RTL4: variants seen among roughly 807,000 people sequenced by gnomAD.
RTL4 encodes retrotransposon Gag like 4, also known as retrotransposon Gag-like protein 4.
In RTL4, 4 loss-of-function variants were observed where a neutral mutation model predicts 5.3. That is an observed-to-expected ratio of 0.75 (90% confidence interval 0.37 to 1.72). The LOEUF (loss-of-function observed/expected upper bound fraction) is 1.72. RTL4 is among the 40% of genes most tolerant of loss of function. The probability of loss-of-function intolerance (pLI) is 0.04; values close to 1 mark genes in which losing one functional copy is unlikely to be tolerated. For synonymous variants in RTL4, 98 were observed against 87.3 expected (o/e 1.12, Z -0.68); for missense variants, 260 against 227.1 (o/e 1.14, Z -0.93).
chrX:112,421,826 CTGT>C, the RTL4 span, among the ~76,000 whole-genome samples: 7 of 112,441 alleles, frequency 6.2e-5, no homozygotes, highest in African/African-American at 2.3e-4. Flanking sequence ...TACATAAGCT[CTGT>C]AATAAGGAAC....
chrX:112,098,133 C>T, the RTL4 span, among the ~76,000 whole-genome samples: 520 of 92,318 alleles, frequency 5.6e-3, 1 homozygote, highest in African/African-American at 0.02. Context: ...CAACAGGCCC[C>T]GGTGTGTGAT....
At chrX:112,263,574 G>A in the RTL4 span, among the ~76,000 whole-genome samples, 627 of 112,062 alleles carry the variant, frequency 5.6e-3, 2 homozygotes, top group African/African-American at 0.019. Context: ...TTGTCTTTCT[G>A]TGTCTGACTT....
the RTL4 span, among the ~76,000 whole-genome samples, chrX:112,192,424 T>C: frequency 2.7e-5 from 3 of 111,457 alleles, no homozygotes; most frequent in Admixed American, 1.9e-4. Flanking sequence ...ATTTGTTTTC[T>C]ATATGTCTTA....
chrX:112,344,244 A>G, the RTL4 span, among the ~76,000 whole-genome samples: 2 of 111,647 alleles, frequency 1.8e-5, no homozygotes, highest in African/African-American at 6.5e-5. Context: ...ACCTCCCCTC[A>G]CCCTAACACC....
At chrX:112,300,599 G>A in the RTL4 span, among the ~76,000 whole-genome samples, 3 of 112,336 alleles carry the variant, frequency 2.7e-5, no homozygotes, top group Admixed American at 1.9e-4. Flanking sequence ...GTTAACAAAG[G>A]TTCTCTACAT....
chrX:112,338,335 C>T, the RTL4 span, among the ~76,000 whole-genome samples: 235 of 111,839 alleles, frequency 2.1e-3, 1 homozygote, highest in Middle Eastern at 9.3e-3. Flanking sequence ...GAATCTCCTG[C>T]TCCCAAAATT....
At chrX:112,321,034 T>C in the RTL4 span, among the ~76,000 whole-genome samples, 303 of 111,137 alleles carry the variant, frequency 2.7e-3, 3 homozygotes, top group African/African-American at 9.3e-3. Context: ...TCATCTTGGG[T>C]TTGTAAGGCC....
the RTL4 span, among the ~76,000 whole-genome samples, chrX:112,139,195 G>T: frequency 9.0e-6 from 1 of 111,223 alleles, no homozygotes; most frequent in African/African-American, 3.3e-5. Context: ...ATAATATCAG[G>T]GGTTGCATGA....
the RTL4 span, among the ~76,000 whole-genome samples, chrX:112,205,625 ACG>A: frequency 9.0e-6 from 1 of 111,115 alleles, no homozygotes; most frequent in African/African-American, 3.3e-5. Context: ...ACACACACAC[ACG>A]CACACACACA....
At chrX:112,392,015 G>A in the RTL4 span, among the ~76,000 whole-genome samples, 1 of 111,784 alleles carries the variant, frequency 8.9e-6, no homozygotes, top group African/African-American at 3.3e-5. Flanking sequence ...TGATGAGCAG[G>A]GTGTGGGTGG....
At chrX:112,452,877 C>T (rs960820738), upstream of RTL4, among the ~76,000 whole-genome samples, 6 of 110,427 alleles carry the variant, frequency 5.4e-5, no homozygotes, top group Non-Finnish European at 7.6e-5. Context: ...ACTAAAAATA[C>T]GAGAATTAGC....
At chrX:112,419,335 A>G in the RTL4 span, among the ~76,000 whole-genome samples, 2 of 49,207 alleles carry the variant, frequency 4.1e-5, no homozygotes, top group African/African-American at 8.4e-5. Flanking sequence ...GCTTCCATTC[A>G]GCTTTTTTTT....
the RTL4 span, among the ~76,000 whole-genome samples, chrX:112,203,384 T>C: frequency 8.9e-6 from 1 of 111,808 alleles, no homozygotes; most frequent in East Asian, 2.8e-4. Flanking sequence ...ATTACATTTT[T>C]AGTTTTATAT....
chrX:112,085,058 C>A, the RTL4 span, among the ~76,000 whole-genome samples: 12 of 112,473 alleles, frequency 1.1e-4, no homozygotes, highest in African/African-American at 1.6e-4. Context: ...TCTCCTAGTG[C>A]AATTAGAAAG....
the RTL4 span, among the ~76,000 whole-genome samples, chrX:112,329,186 C>A: frequency 1.8e-5 from 2 of 110,440 alleles, no homozygotes; most frequent in African/African-American, 3.3e-5. Context: ...GATAGAGACA[C>A]AAAAAAACCT....
the RTL4 span, among the ~76,000 whole-genome samples, chrX:112,178,739 C>T: frequency 9.0e-6 from 1 of 111,240 alleles, no homozygotes; most frequent in Non-Finnish European, 1.9e-5. Context: ...TCCTATATTG[C>T]TTCCCTAGAA....
the RTL4 span, among the ~76,000 whole-genome samples, chrX:112,181,725 C>A: frequency 8.9e-6 from 1 of 111,758 alleles, no homozygotes; most frequent in African/African-American, 3.3e-5. Context: ...TGACAGAACA[C>A]CTGGGGAAAG....
chrX:112,393,218 G>A, the RTL4 span, among the ~76,000 whole-genome samples: 1 of 98,274 alleles, frequency 1.0e-5, no homozygotes, highest in Admixed American at 1.1e-4. Flanking sequence ...TATGTCACGA[G>A]GCTGGAGTGC....
At chrX:112,154,296 G>T in the RTL4 span, among the ~76,000 whole-genome samples, 1 of 111,762 alleles carries the variant, frequency 8.9e-6, no homozygotes, top group Admixed American at 9.5e-5. Context: ...ACTTAAAGTA[G>T]TTGATTTAAA....
Sources: gnomAD v4.1 joint callset for allele counts (sites outside exome capture counted in the v4.1 genomes callset) on GRCh38, gnomAD v4.1.1 for gene constraint, MANE v1.5 for transcripts, NCBI Gene and HGNC (gene_info 2026-07-23, HGNC 2026-07-21) for gene names.